The following LPP variants were observed in gnomAD, a reference collection of about 807,000 sequenced individuals.
The protein encoded by LPP is LIM domain containing preferred translocation partner in lipoma.
LPP carries 38 observed loss-of-function variants against 60.4 expected under a neutral mutation model. The ratio of observed to expected loss-of-function variants is 0.63; its 90% CI spans 0.49 to 0.83. The LOEUF (loss-of-function observed/expected upper bound fraction) is 0.83. Among genes scored for constraint, LPP ranks in the 40% least tolerant of loss-of-function variants. LPP has a pLI of 0.00. For missense variants in LPP, 902 were observed against 783.6 expected (o/e 1.15, Z -1.80); for synonymous variants, 328 against 290.8 (o/e 1.13, Z -1.30).
intron 8 of LPP, among the ~76,000 whole-genome samples, chr3:188,725,693 C>T (rs1577214231): frequency 6.6e-6 from 1 of 152,160 alleles, no homozygotes; most frequent in East Asian, 1.9e-4. Context: ...CCAAGCATTT[C>T]CATTAAACAT....
intron 9 of LPP, among the ~76,000 whole-genome samples, chr3:188,768,719 A>C (rs796621467): frequency 3.3e-4 from 50 of 152,344 alleles, no homozygotes; most frequent in African/African-American, 1.1e-3. Context: ...TATCCAATTT[A>C]AGAAATAAAA....
intron 1 of LPP, among the ~76,000 whole-genome samples, chr3:188,194,110 T>C (rs983017094): frequency 6.6e-6 from 1 of 152,212 alleles, no homozygotes; most frequent in African/African-American, 2.4e-5. Context: ...CTCCCTATTC[T>C]CTGTTGGTGA....
intron 6 of LPP, among the ~76,000 whole-genome samples, chr3:188,554,373 AT>A (rs1828967023): frequency 6.6e-6 from 1 of 152,180 alleles, no homozygotes; most frequent in Non-Finnish European, 1.5e-5. Context: ...CAACAGCAAG[AT>A]ATGTCCTGTA....
At chr3:188,402,190 A>G (rs758064205) in intron 3 of LPP, among the ~76,000 whole-genome samples, 4 of 152,204 alleles carry the variant, frequency 2.6e-5, no homozygotes, top group Non-Finnish European at 5.9e-5. Flanking sequence ...TAAATATCCT[A>G]GACAGTAGAG....
At chr3:188,435,901 CA>C (rs1792175334) in intron 4 of LPP, among the ~76,000 whole-genome samples, 1 of 152,172 alleles carries the variant, frequency 6.6e-6, no homozygotes, top group Non-Finnish European at 1.5e-5. Context: ...CCTAAAGAGA[CA>C]AAAGGCATAT....
chr3:188,672,736 A>G (rs915443225), intron 7 of LPP, among the ~76,000 whole-genome samples: 1 of 152,178 alleles, frequency 6.6e-6, no homozygotes, highest in South Asian at 2.1e-4. Flanking sequence ...TGTTCTTTCC[A>G]TAAGCTCGTT....
chr3:188,480,687 G>A (rs1016166853), intron 4 of LPP, among the ~76,000 whole-genome samples: 4 of 152,208 alleles, frequency 2.6e-5, no homozygotes, highest in Admixed American at 6.5e-5. Context: ...AGTCTGAGAG[G>A]TGAGTTGCAA....
chr3:188,677,177 A>T (rs1480402787), intron 7 of LPP, among the ~76,000 whole-genome samples: 1 of 152,148 alleles, frequency 6.6e-6, no homozygotes, highest in Non-Finnish European at 1.5e-5. Flanking sequence ...ACCCATCTAA[A>T]CCATACCTGC....
At chr3:188,349,305 A>G (rs1331684659) in intron 3 of LPP, among the ~76,000 whole-genome samples, 1 of 152,210 alleles carries the variant, frequency 6.6e-6, no homozygotes, top group Non-Finnish European at 1.5e-5. Flanking sequence ...ATTACTCAAA[A>G]CTAATGAAAT....
At chr3:188,605,470 T>C (rs1842208974) in intron 6 of LPP, among the ~76,000 whole-genome samples, 1 of 152,116 alleles carries the variant, frequency 6.6e-6, no homozygotes, top group South Asian at 2.1e-4. Context: ...GTTTTTAATA[T>C]ATTGAGTCTG....
chr3:188,854,868 C>T (rs1167447473), intron 9 of LPP, among the ~76,000 whole-genome samples: 1 of 152,144 alleles, frequency 6.6e-6, no homozygotes, highest in Non-Finnish European at 1.5e-5. Flanking sequence ...GAGTTTCAGG[C>T]AGCTCTGAAG....
chr3:188,206,535 TC>T (rs1358582335), intron 1 of LPP, among the ~76,000 whole-genome samples: 3 of 152,222 alleles, frequency 2.0e-5, no homozygotes, highest in African/African-American at 7.2e-5. Context: ...AGGTTCCTGA[TC>T]CCAAGGATCT....
intron 7 of LPP, among the ~76,000 whole-genome samples, chr3:188,614,833 T>C (rs1033984587): frequency 6.6e-6 from 1 of 152,168 alleles, no homozygotes; most frequent in Non-Finnish European, 1.5e-5. Flanking sequence ...GCAGTCACCA[T>C]GGCCTTTGGA....
intron 9 of LPP, among the ~76,000 whole-genome samples, chr3:188,857,559 A>G (rs1764140395): frequency 6.6e-6 from 1 of 152,244 alleles, no homozygotes; most frequent in African/African-American, 2.4e-5. Flanking sequence ...TCAAAGTATC[A>G]GTTATTATTT....
chr3:188,611,053 T>C (rs1462888215), intron 7 of LPP, among the ~76,000 whole-genome samples: 1 of 152,226 alleles, frequency 6.6e-6, no homozygotes, highest in African/African-American at 2.4e-5. Flanking sequence ...AATTTCCTTA[T>C]AGGGTATTTA....
rs187418098 is a variant in LPP, at chr3:188,314,745, C to T, written c.-66-26918C>T. Among the ~76,000 whole-genome samples, 44 of 152,164 alleles carry T rather than the reference C, an allele frequency of 2.9e-4. No individual in the cohort carries two copies. In the East Asian group the frequency reaches 6.6e-3, roughly 23 times the overall value. Reference sequence around the variant, plus strand: ...CTGAGGCAGGAGGATCGCTTGAACCCGGGAGGCAGAGTTTGCAGTGAGTGA... The same window carrying T: ...CTGAGGCAGGAGGATCGCTTGAACCTGGGAGGCAGAGTTTGCAGTGAGTGA... On this transcript the variant is annotated intron_variant, in intron 2 of 11. Coordinates refer to ENST00000617246, the MANE Select transcript of LPP (RefSeq NM_001375462.1).
At chr3:188,321,615 A>G (rs1756981436) in intron 2 of LPP, among the ~76,000 whole-genome samples, 1 of 152,168 alleles carries the variant, frequency 6.6e-6, no homozygotes, top group Admixed American at 6.5e-5. Context: ...AAAATCTGAC[A>G]TTTGGTATTT....
intron 5 of LPP, among the ~76,000 whole-genome samples, chr3:188,494,435 G>A (rs1438630761): frequency 1.3e-5 from 2 of 152,132 alleles, no homozygotes; most frequent in South Asian, 2.1e-4. Flanking sequence ...GGGAATTGTG[G>A]CAGAGTCCTT....
intron 6 of LPP, among the ~76,000 whole-genome samples, chr3:188,565,496 A>G (rs1831916443): frequency 6.6e-6 from 1 of 152,000 alleles, no homozygotes; most frequent in Non-Finnish European, 1.5e-5. Context: ...TAAACCTGTA[A>G]TTTAAACTTC....
Sources: allele counts gnomAD v4.1 joint callset (sites outside exome capture counted in the v4.1 genomes callset), GRCh38; gene constraint gnomAD v4.1.1; transcripts MANE v1.5; gene names NCBI Gene and HGNC (gene_info 2026-07-23, HGNC 2026-07-21).